UBE2D2: variants seen among roughly 807,000 people sequenced by gnomAD.
UBE2D2 encodes the protein ubiquitin-conjugating enzyme E2 D2.
Under a neutral mutation model 24.2 loss-of-function variants are expected in UBE2D2, and 2 were observed. That is an observed-to-expected ratio of 0.08 (90% CI 0.03 to 0.26). The LOEUF (loss-of-function observed/expected upper bound fraction) is 0.26, where lower values mean the gene tolerates loss of function less well. Ranked by LOEUF, UBE2D2 falls within the 10% of genes least tolerant of loss-of-function variation. The probability of loss-of-function intolerance (pLI) is 1.00; values close to 1 mark genes in which losing one functional copy is unlikely to be tolerated. For synonymous variants in UBE2D2, 58 were observed against 56.5 expected (o/e 1.03, Z -0.12); for missense variants, 44 against 177.6 (o/e 0.25, Z 4.28).
At chr5:139,572,193 TTTC>T (rs1282712338) in intron 1 of UBE2D2, among the ~76,000 whole-genome samples, 4 of 152,372 alleles carry the variant, frequency 2.6e-5, no homozygotes, top group Admixed American at 2.6e-4. Flanking sequence ...GATAAACTGC[TTTC>T]TTCTTCCTCA....
chr5:139,592,796 G>A (rs1427931559), intron 1 of UBE2D2, among the ~76,000 whole-genome samples: 3 of 151,054 alleles, frequency 2.0e-5, no homozygotes, highest in African/African-American at 7.3e-5. Context: ...TAGAGATGGC[G>A]TTTCACTGTG....
chr5:139,550,621 C>G (rs1021658157), intron 1 of UBE2D2, among the ~76,000 whole-genome samples: 7 of 151,994 alleles, frequency 4.6e-5, no homozygotes, highest in Non-Finnish European at 8.8e-5. Flanking sequence ...GCTGCTCATT[C>G]TTTGGGTACA....
Position 139,548,846 on chromosome 5 carries a change from C to CT in UBE2D2, c.-64+22244dup, listed in dbSNP as rs753493764. On this transcript the variant is annotated intron_variant, in intron 1 of 6. Coordinates refer to the UBE2D2 transcript ENST00000511725. ...ACCCACTGACTTCAAAGCCCTGGTT[C>CT]TTTTTTTTTTCTTTTTTTTTTAGAT... is the stretch of plus-strand genomic sequence containing the variant. Among the ~76,000 whole-genome samples, 123 of 146,954 alleles carry CT rather than the reference C, an allele frequency of 8.4e-4. No homozygotes were observed. The East Asian group carries it at 0.015, about 18-fold the overall frequency.
Position 139,571,364 on chromosome 5 carries a change from G to A in UBE2D2, c.24+9549G>A, listed in dbSNP as rs183239623. Among the ~76,000 whole-genome samples the A allele has an allele frequency of 1.5e-3, 222 of 147,436 alleles. 4 individuals carry two copies. Among genetic ancestry groups the A allele is most frequent in the Non-Finnish European group, 2.0e-3 (136 of 67,494 alleles). On this transcript the variant is annotated intron_variant, in intron 1 of 6. Transcript: ENST00000398733. Reference sequence around the variant, plus strand: ...GGAGGTTGCAGTGTGCCGAGGTCGTGCCACTGTACTCTAGTCTGGGCGACA... The same window carrying A: ...GGAGGTTGCAGTGTGCCGAGGTCGTACCACTGTACTCTAGTCTGGGCGACA...
At chr5:139,620,517 A>C (rs1754495465) in intron 5 of UBE2D2, among the ~76,000 whole-genome samples, 1 of 152,228 alleles carries the variant, frequency 6.6e-6, no homozygotes, top group African/African-American at 2.4e-5. Flanking sequence ...ATGACACCTG[A>C]CAATAGGAAA....
intron 1 of UBE2D2, among the ~76,000 whole-genome samples, chr5:139,575,972 A>G (rs1355496682): frequency 2.0e-5 from 3 of 152,202 alleles, no homozygotes; most frequent in Non-Finnish European, 2.9e-5. Context: ...GCAGTGAGCT[A>G]TAATCTGCAC....
At position 139,600,946 on chromosome 5, in the gene UBE2D2, G is replaced by C. The variant is rs999052350; in HGVS notation, c.88+511G>C. Among the ~76,000 whole-genome samples the C allele has an allele frequency of 2.0e-5, 3 of 152,278 alleles. No homozygotes were observed. In the East Asian group the frequency reaches 5.8e-4, roughly 29 times the overall value. On this transcript the variant is annotated intron_variant, in intron 2 of 6. Transcript: ENST00000398733. ...GCCTCTCGAGTATCTGGGATTACAG[G>C]TGCATGCCACCACGCCTGATTAATT... is the stretch of plus-strand genomic sequence containing the variant.
At chr5:139,537,352 T>G (rs1457080491) in intron 1 of UBE2D2, among the ~76,000 whole-genome samples, 1 of 152,204 alleles carries the variant, frequency 6.6e-6, no homozygotes, top group African/African-American at 2.4e-5. Context: ...TTAAATATCA[T>G]TTTTAACAGC....
intron 2 of UBE2D2, among the ~76,000 whole-genome samples, chr5:139,611,390 G>A (rs966902646): frequency 5.3e-5 from 8 of 151,870 alleles, no homozygotes; most frequent in Admixed American, 5.3e-4. Flanking sequence ...GTTTCACTAT[G>A]TTGGTCAGGC....
Position 139,532,599 on chromosome 5 carries a change from C to T in UBE2D2, c.-64+5987C>T, listed in dbSNP as rs1752610602. Among the ~76,000 whole-genome samples the T allele has an allele frequency of 1.3e-5, 2 of 151,948 alleles. 1 individual carries two copies. The highest frequency in any genetic ancestry group is 4.1e-4 in the South Asian group (2 of 4,822). On this transcript the variant is annotated intron_variant, in intron 1 of 6. Transcript: ENST00000511725. ...ATCTCCTGACCTCGTGATCCGCCCG[C>T]CTTGGCCTCCCAAAATGCTGGGATT...
At chr5:139,608,572 TGGG>T (rs1245187279) in intron 2 of UBE2D2, among the ~76,000 whole-genome samples, 13 of 152,046 alleles carry the variant, frequency 8.6e-5, no homozygotes, top group Non-Finnish European at 1.9e-4. Context: ...CTGGGCAACA[TGGG>T]AAGACCCCGT....
chr5:139,561,860 C>T (rs1439584228), intron 1 of UBE2D2, 45 bp downstream of exon 1: 1 of 1,453,124 alleles, frequency 6.9e-7, no homozygotes, highest in Admixed American at 2.8e-5. Context: ...GCTGAGCAGG[C>T]TGCGGCCTGC....
chr5:139,584,473 T>C (rs957892020), intron 1 of UBE2D2, among the ~76,000 whole-genome samples: 4 of 151,612 alleles, frequency 2.6e-5, no homozygotes, highest in Non-Finnish European at 5.9e-5. Context: ...AAGAAACTCC[T>C]TGTTCTCTCG....
intron 1 of UBE2D2, among the ~76,000 whole-genome samples, chr5:139,551,365 A>G (rs546397171): frequency 1.3e-5 from 2 of 152,288 alleles, no homozygotes; most frequent in Admixed American, 6.5e-5. Flanking sequence ...AAAAAAAAGA[A>G]TATTTCTCCA....
intron 1 of UBE2D2, among the ~76,000 whole-genome samples, chr5:139,585,593 AT>A (rs1370535082): frequency 6.6e-6 from 1 of 151,936 alleles, no homozygotes; most frequent in Non-Finnish European, 1.5e-5. Flanking sequence ...CCTTTTGGAA[AT>A]TTTTTATGTG....
chr5:139,563,863 A>C (rs1753162126), intron 1 of UBE2D2, among the ~76,000 whole-genome samples: 1 of 152,046 alleles, frequency 6.6e-6, no homozygotes, highest in Admixed American at 6.6e-5. Flanking sequence ...TGAACCGGGG[A>C]GGCGGAGCTT....
At chr5:139,616,181 C>T (rs1268220302) in intron 5 of UBE2D2, among the ~76,000 whole-genome samples, 3 of 148,980 alleles carry the variant, frequency 2.0e-5, no homozygotes, top group Non-Finnish European at 4.5e-5. Flanking sequence ...TATTTATGGC[C>T]TGGCACGGTG....
At chr5:139,536,233 G>A (rs187486758) in intron 1 of UBE2D2, among the ~76,000 whole-genome samples, 2 of 152,046 alleles carry the variant, frequency 1.3e-5, no homozygotes, top group African/African-American at 4.8e-5. Flanking sequence ...CGGAGTAGCT[G>A]GGATTACAGG....
upstream of UBE2D2, among the ~76,000 whole-genome samples, chr5:139,560,664 A>G (rs538790782): frequency 2.0e-4 from 31 of 152,060 alleles, 1 homozygote; most frequent in South Asian, 3.7e-3. Context: ...ACACACTGTG[A>G]TTTTTTTTCT....
Sources: gnomAD v4.1 joint callset for allele counts (sites outside exome capture counted in the v4.1 genomes callset) on GRCh38, gnomAD v4.1.1 for gene constraint, MANE v1.5 for transcripts, NCBI Gene and HGNC (gene_info 2026-07-23, HGNC 2026-07-21) for gene names.